CHODL: variants seen among roughly 807,000 people sequenced by gnomAD.
CHODL encodes the protein transmembrane protein MT75.
A neutral mutation model predicts 34.5 loss-of-function variants in CHODL; 29 were observed. That is an observed-to-expected ratio of 0.84 (90% CI 0.63 to 1.15). CHODL has a LOEUF of 1.15. Ranked by LOEUF, CHODL falls within the 50% of genes most tolerant of loss-of-function variation. The pLI is 0.00. For missense variants in CHODL, 332 were observed against 332.5 expected, an observed-to-expected ratio of 1.00 and a Z score of 0.01; for synonymous variants, 125 against 116.1, an observed-to-expected ratio of 1.08 and a Z score of -0.49.
intron 2 of CHODL, among the ~76,000 whole-genome samples, chr21:18,232,383 G>A (rs2073988168): frequency 1.3e-5 from 2 of 152,080 alleles, no homozygotes; most frequent in Non-Finnish European, 1.5e-5. Flanking sequence ...AGGCAGGGAA[G>A]TCCAAGATCA....
At chr21:18,222,620 G>A (rs1310260773) in intron 2 of CHODL, among the ~76,000 whole-genome samples, 1 of 152,106 alleles carries the variant, frequency 6.6e-6, no homozygotes, top group East Asian at 1.9e-4. Context: ...CTGCAAGGGG[G>A]AGTCTCTCCT....
At chr21:18,027,599 A>G (rs756165914) in intron 1 of CHODL, among the ~76,000 whole-genome samples, 46 of 152,286 alleles carry the variant, frequency 3.0e-4, no homozygotes, top group Admixed American at 9.8e-4. Context: ...ATGCCTTTTA[A>G]TATTAAGCAC....
chr21:17,983,645 T>C (rs911123509), intron 1 of CHODL, among the ~76,000 whole-genome samples: 17 of 152,226 alleles, frequency 1.1e-4, no homozygotes, highest in African/African-American at 3.9e-4. Flanking sequence ...TTATTTCATA[T>C]ATTAAATGCA....
chr21:18,136,105 C>CAAAAAAAAAAAAAAAAAAAA (rs67552520), intron 2 of CHODL, among the ~76,000 whole-genome samples: 36 of 89,408 alleles, frequency 4.0e-4, no homozygotes, highest in Non-Finnish European at 5.0e-4. Context: ...GATTATGTCT[C>CAAAAAAAAAAAAAAAAAAAA]AAAAAAAAAA....
At chr21:18,037,739 T>G (rs1336101281) in intron 2 of CHODL, among the ~76,000 whole-genome samples, 1 of 151,752 alleles carries the variant, frequency 6.6e-6, no homozygotes, top group Non-Finnish European at 1.5e-5. Context: ...GAAAAGAACT[T>G]GTAGAATGTT....
intron 2 of CHODL, among the ~76,000 whole-genome samples, chr21:18,093,936 A>G (rs1359132019): frequency 2.0e-5 from 3 of 152,070 alleles, no homozygotes; most frequent in Admixed American, 2.0e-4. Context: ...AAAGACATAC[A>G]CTTGCTGAAT....
intron 1 of CHODL, among the ~76,000 whole-genome samples, chr21:17,958,831 C>T (rs1036692279): frequency 6.6e-6 from 1 of 152,076 alleles, no homozygotes; most frequent in Non-Finnish European, 1.5e-5. Flanking sequence ...CATGATATTT[C>T]AATGCAAACT....
chr21:18,256,904 G>T, intron 2 of CHODL, 66 bp from the exon 3 acceptor site: 2 of 1,586,686 alleles, frequency 1.3e-6, no homozygotes, highest in Admixed American at 1.7e-5. Flanking sequence ...GAGGATGTCA[G>T]AGTAGGACAG....
chr21:17,978,193 G>A (rs986831557), intron 1 of CHODL, among the ~76,000 whole-genome samples: 1 of 152,162 alleles, frequency 6.6e-6, no homozygotes, highest in South Asian at 2.1e-4. Flanking sequence ...GGAGGCTGAG[G>A]CAGGTGCATT....
chr21:18,016,143 G>A (rs2064071301), intron 1 of CHODL, among the ~76,000 whole-genome samples: 1 of 152,354 alleles, frequency 6.6e-6, no homozygotes, highest in Non-Finnish European at 1.5e-5. Context: ...GCATTTAAGA[G>A]ACCTTCATGG....
At chr21:18,016,046 T>C (rs1469173962) in intron 1 of CHODL, among the ~76,000 whole-genome samples, 1 of 152,214 alleles carries the variant, frequency 6.6e-6, no homozygotes, top group East Asian at 1.9e-4. Context: ...CCCATCTTTC[T>C]GGGGAGGAAT....
At position 18,266,999 on chromosome 21, in the gene CHODL, C is replaced by CAGAT. The variant is rs2074471395; in HGVS notation, c.*964_*967dup. The CAGAT allele has an allele frequency of 6.6e-6, 1 of 152,062 alleles. No individual in the cohort carries two copies. Among genetic ancestry groups the CAGAT allele is most frequent in the South Asian group, 2.1e-4 (1 of 4,828 alleles). The allele number at this position is 152,062 out of a possible 1,614,324, so 9.4% of individuals were successfully genotyped here. A position where few individuals can be genotyped will look rare whatever the true frequency, so the allele number is the denominator to read the frequency against. On this transcript the variant is annotated 3_prime_UTR_variant, in exon 6 of 6. Transcript: ENST00000299295. ...CGGGGTTTGGGATTGACACTGGAGGCAGATAGTTGCAAAGTTAGTCTAAGG... is the reference window on the plus strand; with the variant it reads ...CGGGGTTTGGGATTGACACTGGAGGCAGATAGATAGTTGCAAAGTTAGTCTAAGG...
intron 1 of CHODL, among the ~76,000 whole-genome samples, chr21:17,975,670 C>G (rs1193436935): frequency 3.3e-5 from 5 of 152,166 alleles, no homozygotes; most frequent in Non-Finnish European, 7.4e-5. Context: ...AGTATTCCTT[C>G]TGTACTATTT....
At chr21:17,930,113 G>A (rs2063260197) in intron 1 of CHODL, among the ~76,000 whole-genome samples, 1 of 151,664 alleles carries the variant, frequency 6.6e-6, no homozygotes, top group African/African-American at 2.4e-5. Context: ...CCAGGCCAAG[G>A]AGGGAGTGGG....
intron 2 of CHODL, among the ~76,000 whole-genome samples, chr21:18,217,251 A>G (rs969129223): frequency 3.9e-5 from 6 of 152,102 alleles, no homozygotes; most frequent in African/African-American, 1.4e-4. Flanking sequence ...ATGCTGCTAT[A>G]AAGAACTGGC....
At chr21:18,260,632 G>A (rs2074368839) in intron 4 of CHODL, among the ~76,000 whole-genome samples, 1 of 151,994 alleles carries the variant, frequency 6.6e-6, no homozygotes, top group Non-Finnish European at 1.5e-5. Flanking sequence ...GAGCAACCTG[G>A]TGAGACCCCA....
chr21:18,074,329 A>G (rs752524812), intron 2 of CHODL, among the ~76,000 whole-genome samples: 3 of 152,176 alleles, frequency 2.0e-5, no homozygotes, highest in Non-Finnish European at 4.4e-5. Flanking sequence ...TTAATAACAG[A>G]CTTTAAGCAA....
rs878888084 is a variant in CHODL, at chr21:18,244,863, C to G, written c.-361C>G. ...TGCTGTGATCCAGGACCAGGGCGCA[C>G]CGGCTCAGCCTCTCACTTGTCAGAG... is the stretch of plus-strand genomic sequence containing the variant. On this transcript the variant is annotated 5_prime_UTR_variant, in exon 1 of 6. Coordinates refer to ENST00000299295, the MANE Select transcript of CHODL (RefSeq NM_024944.3). 6 of 227,382 alleles carry G rather than the reference C, an allele frequency of 2.6e-5. 1 individual carries two copies. In the South Asian group the frequency reaches 7.5e-4, roughly 28 times the overall value. The allele number at this position is 227,382 out of a possible 1,614,324, so 14.1% of individuals were successfully genotyped here. A position where few individuals can be genotyped will look rare whatever the true frequency, so the allele number is the denominator to read the frequency against.
chr21:18,146,838 A>C lies in CHODL; in HGVS notation c.-44-109671A>C, dbSNP rs1266554957. 6.6e-5 allele frequency among the ~76,000 whole-genome samples: 10 copies of C among 152,198 alleles called. 1 individual carries two copies. The highest frequency in any genetic ancestry group is 6.5e-4 in the Admixed American group (10 of 15,276). ...CATCCACTCTTTTTTATTTAGCCCCATAAAAACTATTTCCAGCTTATTGGC... is the reference window on the plus strand; with the variant it reads ...CATCCACTCTTTTTTATTTAGCCCCCTAAAAACTATTTCCAGCTTATTGGC... On this transcript the variant is annotated intron_variant, in intron 2 of 6. Transcript: ENST00000400127.
Sources: allele counts gnomAD v4.1 joint callset (sites outside exome capture counted in the v4.1 genomes callset), GRCh38; gene constraint gnomAD v4.1.1; transcripts MANE v1.5; gene names NCBI Gene and HGNC (gene_info 2026-07-23, HGNC 2026-07-21).